INSL6: variants seen among roughly 807,000 people sequenced by gnomAD.
The protein encoded by INSL6 is insulin-like peptide INSL6.
INSL6 carries 16 observed loss-of-function variants against 9.4 expected under a neutral mutation model. That is an observed-to-expected ratio of 1.70 (90% confidence interval 1.15 to 2.59). The LOEUF is 2.59. Ranked by LOEUF, INSL6 falls within the 30% of genes most tolerant of loss-of-function variation. INSL6 has a pLI of 0.00. For missense variants in INSL6, 391 were observed against 257.3 expected, an observed-to-expected ratio of 1.52 and a Z score of -3.56; for synonymous variants, 154 against 96.9, an observed-to-expected ratio of 1.59 and a Z score of -3.46.
the INSL6 span, chr9:5,069,143 T>C: frequency 6.2e-7 from 1 of 1,613,330 alleles, no homozygotes; most frequent in African/African-American, 1.3e-5. Flanking sequence ...TGTTACCAGA[T>C]GGAAACTGTT....
intron 2 of INSL6, among the ~76,000 whole-genome samples, chr9:5,146,157 T>C (rs1341977388): frequency 6.6e-6 from 1 of 152,144 alleles, no homozygotes; most frequent in Non-Finnish European, 1.5e-5. Context: ...CCTTGAGTGT[T>C]TGATTGTGGT....
intron 1 of INSL6, among the ~76,000 whole-genome samples, chr9:5,174,138 C>A (rs1356709109): frequency 6.6e-6 from 1 of 152,176 alleles, no homozygotes; most frequent in Non-Finnish European, 1.5e-5. Context: ...CAGTTTTTAA[C>A]TTCTATTGAA....
the INSL6 span, among the ~76,000 whole-genome samples, chr9:5,010,513 G>T: frequency 2.0e-5 from 3 of 151,954 alleles, no homozygotes; most frequent in African/African-American, 7.2e-5. Context: ...TACAGACAGG[G>T]TTTCACCATG....
chr9:5,049,418 G>C, the INSL6 span, among the ~76,000 whole-genome samples: 6 of 152,272 alleles, frequency 3.9e-5, no homozygotes, highest in Non-Finnish European at 7.4e-5. Flanking sequence ...GCTTTTGTGT[G>C]TGTGTCATTC....
At chr9:5,170,606 TAAAG>T in intron 1 of INSL6, among the ~76,000 whole-genome samples, 2 of 145,792 alleles carry the variant, frequency 1.4e-5, no homozygotes, top group South Asian at 4.4e-4. Flanking sequence ...GGTAGGCTAA[TAAAG>T]AAATGAAAGA....
the INSL6 span, chr9:5,070,002 C>A: frequency 6.2e-7 from 1 of 1,608,070 alleles, no homozygotes; most frequent in Admixed American, 1.7e-5. Flanking sequence ...GAGGCCTACT[C>A]ATATGAACCA....
At chr9:5,146,479 TTGGGG>T (rs2130891140) in intron 2 of INSL6, among the ~76,000 whole-genome samples, 1 of 152,114 alleles carries the variant, frequency 6.6e-6, no homozygotes, top group East Asian at 1.9e-4. Context: ...TAGTGTTGGT[TTGGGG>T]TGGGGTGCTG....
chr9:5,167,045 T>C (rs1043523033), intron 1 of INSL6, among the ~76,000 whole-genome samples: 2 of 151,640 alleles, frequency 1.3e-5, no homozygotes, highest in Admixed American at 6.6e-5. Flanking sequence ...GCATCTTCAA[T>C]TGAGTTACCA....
the INSL6 span, among the ~76,000 whole-genome samples, chr9:5,115,078 TTAAAC>T: frequency 6.6e-6 from 1 of 152,152 alleles, no homozygotes; most frequent in African/African-American, 2.4e-5. Context: ...TGGGATCTAA[TTAAAC>T]TAAACAGCTG....
chr9:5,115,560 G>A, the INSL6 span, among the ~76,000 whole-genome samples: 11 of 152,072 alleles, frequency 7.2e-5, no homozygotes, highest in African/African-American at 2.7e-4. Context: ...TCCATTACTG[G>A]GTATATACCC....
chr9:5,174,559 CTTA>C lies in INSL6; in HGVS notation c.290-10297_290-10295del, dbSNP rs1318288836. 1.4e-4 allele frequency among the ~76,000 whole-genome samples: 21 copies of C among 152,270 alleles called. No individual in the cohort carries two copies. The East Asian group carries it at 3.5e-3, about 25-fold the overall frequency. Reference sequence around the variant, plus strand: ...TCCTTTACAAGTTCTCACTCCCCAACTTATTATTGTTGGTGTTTCTGAGGACTC... The same window carrying C: ...TCCTTTACAAGTTCTCACTCCCCAACTTATTGTTGGTGTTTCTGAGGACTC... On this transcript the variant is annotated intron_variant, in intron 1 of 1. Transcript: ENST00000381641.
At chr9:5,169,527 T>C (rs1233464063) in intron 1 of INSL6, among the ~76,000 whole-genome samples, 1 of 152,114 alleles carries the variant, frequency 6.6e-6, no homozygotes, top group African/African-American at 2.4e-5. Flanking sequence ...CATAACAATA[T>C]TAACCTTAAA....
intron 3 of INSL6, chr9:5,126,879 CATT>C (rs1057515594): frequency 1.5e-6 from 1 of 654,960 alleles, no homozygotes; most frequent in Non-Finnish European, 2.5e-6. Flanking sequence ...TTACATATAT[CATT>C]ATTATATAAA....
intron 3 of INSL6, among the ~76,000 whole-genome samples, chr9:5,131,642 G>T (rs1444969954): frequency 6.6e-6 from 1 of 151,976 alleles, no homozygotes; most frequent in East Asian, 1.9e-4. Context: ...GTTTCACCGT[G>T]TTGGTCAGTC....
At chr9:5,021,270 C>T in the INSL6 span, among the ~76,000 whole-genome samples, 518 of 152,238 alleles carry the variant, frequency 3.4e-3, 1 homozygote, top group Non-Finnish European at 5.1e-3. Flanking sequence ...ATTATCTACT[C>T]GCTATTTTGG....
At chr9:5,034,223 G>A in the INSL6 span, among the ~76,000 whole-genome samples, 1 of 152,234 alleles carries the variant, frequency 6.6e-6, no homozygotes, top group South Asian at 2.1e-4. Flanking sequence ...CAATACAGGA[G>A]CACCCAGATT....
chr9:5,068,311 A>G, the INSL6 span, among the ~76,000 whole-genome samples: 1 of 152,252 alleles, frequency 6.6e-6, no homozygotes, highest in African/African-American at 2.4e-5. Context: ...TAGGTGAACA[A>G]GTTCATAATA....
chr9:5,063,940 T>G, the INSL6 span, among the ~76,000 whole-genome samples: 14 of 152,176 alleles, frequency 9.2e-5, no homozygotes, highest in Non-Finnish European at 1.8e-4. Flanking sequence ...GGCGGATCAT[T>G]AGGTCAGGAA....
At chr9:5,175,822 T>C (rs1351714920) in intron 1 of INSL6, among the ~76,000 whole-genome samples, 1 of 152,170 alleles carries the variant, frequency 6.6e-6, no homozygotes, top group Non-Finnish European at 1.5e-5. Context: ...GATGGGACCA[T>C]CTGGTTTCAG....
Sources: gnomAD v4.1 joint callset for allele counts (sites outside exome capture counted in the v4.1 genomes callset) on GRCh38, gnomAD v4.1.1 for gene constraint, MANE v1.5 for transcripts, NCBI Gene and HGNC (gene_info 2026-07-23, HGNC 2026-07-21) for gene names.